The following LPP variants were observed in gnomAD, a reference collection of about 807,000 sequenced individuals.
LPP encodes the protein lipoma-preferred partner.
LPP carries 38 observed loss-of-function variants against 60.4 expected under a neutral mutation model. The ratio of observed to expected loss-of-function variants is 0.63; its 90% CI spans 0.49 to 0.83. LPP has a LOEUF of 0.83. Among genes scored for constraint, LPP ranks in the 40% least tolerant of loss-of-function variants. LPP has a pLI of 0.00. For missense variants in LPP, 902 were observed against 783.6 expected (o/e 1.15, Z -1.80); for synonymous variants, 328 against 290.8 (o/e 1.13, Z -1.30).
intron 1 of LPP, among the ~76,000 whole-genome samples, chr3:188,213,681 C>G (rs1338675180): frequency 4.6e-5 from 7 of 151,968 alleles, no homozygotes; most frequent in Non-Finnish European, 1.0e-4. Flanking sequence ...CTTACCTTTC[C>G]CTTCTTTTGT....
intron 6 of LPP, among the ~76,000 whole-genome samples, chr3:188,567,869 T>C (rs376551424): frequency 6.6e-6 from 1 of 152,172 alleles, no homozygotes; most frequent in African/African-American, 2.4e-5. Context: ...ATAGCTTTCA[T>C]CACCTGTATT....
intron 9 of LPP, among the ~76,000 whole-genome samples, chr3:188,796,867 C>T (rs936016739): frequency 6.6e-6 from 1 of 152,156 alleles, no homozygotes; most frequent in Non-Finnish European, 1.5e-5. Context: ...TACACAGACC[C>T]CATTGCAGTC....
At chr3:188,288,710 G>C (rs1179638167) in intron 2 of LPP, among the ~76,000 whole-genome samples, 1 of 151,826 alleles carries the variant, frequency 6.6e-6, no homozygotes, top group Non-Finnish European at 1.5e-5. Context: ...ATGTACTCTT[G>C]CATTTGTTTT....
chr3:188,331,013 A>T (rs189919897), intron 2 of LPP, among the ~76,000 whole-genome samples: 79 of 151,822 alleles, frequency 5.2e-4, no homozygotes, highest in African/African-American at 1.9e-3. Context: ...TCTTCCTGAG[A>T]CTTCTACATT....
intron 7 of LPP, among the ~76,000 whole-genome samples, chr3:188,707,418 G>A (rs73196754): frequency 5.7e-4 from 87 of 152,196 alleles, no homozygotes; most frequent in African/African-American, 2.0e-3. Flanking sequence ...CAACCTGGCC[G>A]CGCCAAAGCC....
chr3:188,625,613 A>C (rs1846692468), intron 7 of LPP, among the ~76,000 whole-genome samples: 1 of 152,194 alleles, frequency 6.6e-6, no homozygotes, highest in East Asian at 1.9e-4. Flanking sequence ...CAGAATCAAC[A>C]ATATGAAATA....
rs1257085181 is a variant in LPP, at chr3:188,368,719, C to CACACACAGAG, written c.-10+27001_-10+27002insCACACAGAGA. On this transcript the variant is annotated intron_variant, in intron 3 of 11. Coordinates refer to ENST00000617246, the MANE Select transcript of LPP (RefSeq NM_001375462.1). ...ACACACACACACACACACACACACA[C>CACACACAGAG]AGAGAGAGAGAGAGAGAGAGAGAGA... is the stretch of plus-strand genomic sequence containing the variant. 5.8e-3 allele frequency among the ~76,000 whole-genome samples: 576 copies of CACACACAGAG among 99,612 alleles called. 2 individuals carry two copies. The highest frequency in any genetic ancestry group is 0.023 in the East Asian group (80 of 3,484). 65.3% of individuals were successfully genotyped at this position (99,612 alleles called of 152,430 possible). A position where few individuals can be genotyped will look rare whatever the true frequency, so the allele number is the denominator to read the frequency against.
At chr3:188,419,978 G>A (rs1787342339) in intron 4 of LPP, among the ~76,000 whole-genome samples, 1 of 152,096 alleles carries the variant, frequency 6.6e-6, no homozygotes, top group South Asian at 2.1e-4. Context: ...GTTAAGTCAT[G>A]ACAAAATAAT....
chr3:188,872,486 A>G (rs896317422), intron 10 of LPP, among the ~76,000 whole-genome samples, 157 bp from the exon 11 acceptor site: 2 of 152,196 alleles, frequency 1.3e-5, no homozygotes, highest in African/African-American at 2.4e-5. Flanking sequence ...CCACCGATTG[A>G]TGGAAGAACC....
chr3:188,165,458 T>A (rs1264103708), intron 1 of LPP, among the ~76,000 whole-genome samples: 3 of 152,066 alleles, frequency 2.0e-5, no homozygotes, highest in Admixed American at 6.5e-5. Context: ...GGTGAGAAAG[T>A]GCATGGTGCC....
chr3:188,526,066 G>A (rs1183439677), intron 6 of LPP, among the ~76,000 whole-genome samples: 1 of 152,154 alleles, frequency 6.6e-6, no homozygotes, highest in Admixed American at 6.5e-5. Flanking sequence ...CAGAATTGTA[G>A]TTGCAAACGC....
intron 8 of LPP, among the ~76,000 whole-genome samples, chr3:188,715,025 A>AT (rs1286459562): frequency 1.3e-5 from 2 of 152,234 alleles, no homozygotes; most frequent in Non-Finnish European, 2.9e-5. Context: ...TTTAGAGCAA[A>AT]TTTTTTCCTA....
rs146449388 is a variant in LPP, at chr3:188,766,582, G to A, written c.1410+6300G>A. Among the ~76,000 whole-genome samples the A allele has an allele frequency of 8.5e-5, 13 of 152,270 alleles. No homozygotes were observed. The South Asian group carries it at 2.1e-3, about 24-fold the overall frequency. On this transcript the variant is annotated intron_variant, in intron 9 of 11. Coordinates refer to ENST00000617246, the MANE Select transcript of LPP (RefSeq NM_001375462.1). ...GTGTCAGCTTGCTTAGTTCCATAGA[G>A]TATGAGTGTCAGAGCTAATACTTGA...
Position 188,886,303 on chromosome 3 carries a change from A to G in LPP, c.*11824A>G, listed in dbSNP as rs939936463. On this transcript the variant is annotated 3_prime_UTR_variant, in exon 12 of 12. Coordinates refer to ENST00000617246, the MANE Select transcript of LPP (RefSeq NM_001375462.1). ...GTACCCTAAAACTTAAAGTATAATA[A>G]TAATGAAATAAAATTAAAAAAAAAA... The G allele has an allele frequency of 1.1e-4, 18 of 168,738 alleles. No homozygotes were observed. Among genetic ancestry groups the G allele is most frequent in the African/African-American group, 3.6e-4 (15 of 41,368 alleles). 10.5% of individuals were successfully genotyped at this position (168,738 alleles called of 1,614,324 possible). A position where few individuals can be genotyped will look rare whatever the true frequency, so the allele number is the denominator to read the frequency against.
At chr3:188,673,483 C>A (rs531821377) in intron 7 of LPP, among the ~76,000 whole-genome samples, 3 of 152,152 alleles carry the variant, frequency 2.0e-5, no homozygotes, top group Non-Finnish European at 4.4e-5. Context: ...CTCAATACTT[C>A]CCCATTTTAA....
chr3:188,241,789 C>T (rs1327024960), intron 2 of LPP, among the ~76,000 whole-genome samples: 1 of 151,944 alleles, frequency 6.6e-6, no homozygotes, highest in East Asian at 1.9e-4. Context: ...GAAAATTTAA[C>T]TTGTTTTTCT....
intron 4 of LPP, among the ~76,000 whole-genome samples, chr3:188,466,856 C>A (rs1376371540): frequency 6.6e-5 from 7 of 105,566 alleles, no homozygotes; most frequent in African/African-American, 2.5e-4. Context: ...GTGTAAACTC[C>A]ACCTGTTTGC....
Position 188,190,305 on chromosome 3 carries a change from C to T in LPP, c.-189-35100C>T, listed in dbSNP as rs529616597. On this transcript the variant is annotated intron_variant, in intron 1 of 11. Coordinates refer to ENST00000617246, the MANE Select transcript of LPP (RefSeq NM_001375462.1). ...AACTCCTGACCTCATGTGATCCGCC[C>T]GCCTCGGCCTCCCAAAGTGCTGGGA... 4.6e-5 allele frequency among the ~76,000 whole-genome samples: 7 copies of T among 152,104 alleles called. 1 individual carries two copies. In the South Asian group the frequency reaches 1.0e-3, roughly 23 times the overall value.
chr3:188,219,789 A>G (rs913963047), intron 1 of LPP, among the ~76,000 whole-genome samples: 5 of 152,124 alleles, frequency 3.3e-5, no homozygotes, highest in Admixed American at 2.0e-4. Context: ...ACCCCCAGAT[A>G]TATCTTGCAC....
Sources: gnomAD v4.1 joint callset for allele counts (sites outside exome capture counted in the v4.1 genomes callset) on GRCh38, gnomAD v4.1.1 for gene constraint, MANE v1.5 for transcripts, NCBI Gene and HGNC (gene_info 2026-07-23, HGNC 2026-07-21) for gene names.